MAGI2: variants seen among roughly 807,000 people sequenced by gnomAD.
MAGI2 encodes the protein membrane-associated guanylate kinase, WW and PDZ domain-containing protein 2.
MAGI2 carries 35 observed loss-of-function variants against 133.3 expected under a neutral mutation model. The observed-to-expected ratio is 0.26, with a 90% CI of 0.20 to 0.35. MAGI2 has a LOEUF of 0.35. Among genes scored for constraint, MAGI2 ranks in the 10% least tolerant of loss-of-function variants. The pLI is 1.00. For synonymous variants in MAGI2, 729 were observed against 710.6 expected, an observed-to-expected ratio of 1.03 and a Z score of -0.41; for missense variants, 1,636 against 1,863.4, an observed-to-expected ratio of 0.88 and a Z score of 2.25.
chr7:78,405,757 ATTC>A (rs1171501187), intron 6 of MAGI2, among the ~76,000 whole-genome samples: 6 of 152,080 alleles, frequency 3.9e-5, no homozygotes, highest in Non-Finnish European at 7.4e-5. Context: ...CATTTAAAAA[ATTC>A]TTAATTGTGA....
At chr7:78,360,752 C>G (rs955466538) in intron 7 of MAGI2, among the ~76,000 whole-genome samples, 2 of 152,192 alleles carry the variant, frequency 1.3e-5, no homozygotes, top group Non-Finnish European at 2.9e-5. Context: ...AGCTCACATC[C>G]AGCTCCAAAA....
At chr7:78,209,809 G>A (rs1377089594) in intron 10 of MAGI2, among the ~76,000 whole-genome samples, 3 of 152,100 alleles carry the variant, frequency 2.0e-5, no homozygotes, top group Non-Finnish European at 4.4e-5. Context: ...AACCTACAAG[G>A]CTCTGAAGAA....
chr7:78,977,459 CAAAG>C lies in MAGI2; in HGVS notation c.418+29627_418+29630del, dbSNP rs71095371. On this transcript the variant is annotated intron_variant, in intron 2 of 21. Transcript: ENST00000354212. ...ACATAAGCAAAGACCTTACAATTTA[CAAAG>C]AAAGAAAGAAAGAAAGAAAGAAAGA... 8.0e-3 allele frequency among the ~76,000 whole-genome samples: 1,113 copies of C among 138,510 alleles called. 7 individuals carry two copies. The highest frequency in any genetic ancestry group is 0.015 in the Middle Eastern group (4 of 274). The allele number at this position is 138,510 out of a possible 152,430, so 90.9% of individuals were successfully genotyped here.
intron 1 of MAGI2, among the ~76,000 whole-genome samples, chr7:79,084,530 G>A (rs1349438038): frequency 6.6e-5 from 10 of 151,630 alleles, no homozygotes; most frequent in Admixed American, 6.6e-4. Context: ...AATGACTTCA[G>A]TTTTTCAATG....
At chr7:78,304,022 AGTT>A (rs1185293157) in intron 9 of MAGI2, among the ~76,000 whole-genome samples, 1 of 152,294 alleles carries the variant, frequency 6.6e-6, no homozygotes, top group African/African-American at 2.4e-5. Context: ...GTCATTATAC[AGTT>A]GTTCTGCCTT....
At chr7:78,565,429 C>A (rs1800845106) in intron 3 of MAGI2, among the ~76,000 whole-genome samples, 1 of 151,040 alleles carries the variant, frequency 6.6e-6, no homozygotes, top group African/African-American at 2.4e-5. Context: ...TACACTATTG[C>A]ACTCATGGTC....
chr7:78,209,229 A>C (rs1787487990), intron 10 of MAGI2, among the ~76,000 whole-genome samples: 1 of 117,902 alleles, frequency 8.5e-6, no homozygotes, highest in African/African-American at 3.0e-5. Flanking sequence ...CTCAAAAAAA[A>C]AAAAAAAAAA....
At chr7:78,902,262 A>C (rs1433288265) in intron 2 of MAGI2, among the ~76,000 whole-genome samples, 1 of 152,202 alleles carries the variant, frequency 6.6e-6, no homozygotes, top group Non-Finnish European at 1.5e-5. Flanking sequence ...GGGCCTAATC[A>C]TACAACTTTA....
chr7:79,157,941 A>AGTGAGTGTGTGTGTGT (rs1302532517), intron 1 of MAGI2, among the ~76,000 whole-genome samples: 1 of 134,892 alleles, frequency 7.4e-6, no homozygotes, highest in African/African-American at 3.2e-5. Flanking sequence ...TCTTTGTGTG[A>AGTGAGTGTGTGTGTGT]GTGTGTGTGT....
intron 2 of MAGI2, chr7:78,940,470 T>C (rs936020393): frequency 2.0e-5 from 3 of 152,184 alleles, no homozygotes; most frequent in Admixed American, 2.0e-4. Flanking sequence ...GCACATTTAC[T>C]GTCATATTGG....
chr7:78,572,188 C>T (rs1026799353), intron 3 of MAGI2, among the ~76,000 whole-genome samples: 4 of 152,130 alleles, frequency 2.6e-5, no homozygotes, highest in African/African-American at 9.7e-5. Context: ...CAAAGACTTT[C>T]AGTGGCGTTC....
intron 3 of MAGI2, among the ~76,000 whole-genome samples, chr7:78,563,075 G>A (rs949967241): frequency 2.0e-5 from 3 of 151,164 alleles, no homozygotes; most frequent in Admixed American, 1.3e-4. Flanking sequence ...TGGTAGTAAT[G>A]GTAATAAGAG....
chr7:78,874,744 A>G (rs986855611), intron 2 of MAGI2, among the ~76,000 whole-genome samples: 1 of 152,210 alleles, frequency 6.6e-6, no homozygotes, highest in Non-Finnish European at 1.5e-5. Flanking sequence ...TACAGTTAAC[A>G]ATAATACATT....
chr7:78,894,220 T>C (rs1797018077), intron 2 of MAGI2, among the ~76,000 whole-genome samples: 1 of 152,108 alleles, frequency 6.6e-6, no homozygotes, highest in African/African-American at 2.4e-5. Flanking sequence ...GCTAACATAG[T>C]GAAACCCTGT....
At chr7:78,708,680 A>G (rs1426949924) in intron 2 of MAGI2, among the ~76,000 whole-genome samples, 1 of 152,140 alleles carries the variant, frequency 6.6e-6, no homozygotes, top group Non-Finnish European at 1.5e-5. Context: ...TGCATCTTTA[A>G]TAACACTAAC....
chr7:79,219,177 A>G lies in MAGI2; in HGVS notation c.302-211971T>C, dbSNP rs199719268. On this transcript the variant is annotated intron_variant, in intron 1 of 21. Transcript: ENST00000354212. ...ACTATAAGCTTTAATATTTATCATT[A>G]TTATTGCTGCCAAAAGCAATGGTTC... is the stretch of plus-strand genomic sequence containing the variant. Among the ~76,000 whole-genome samples the G allele has an allele frequency of 1.8e-4, 27 of 152,174 alleles. No homozygotes were observed. In the East Asian group the frequency reaches 4.0e-3, roughly 23 times the overall value.
intron 1 of MAGI2, among the ~76,000 whole-genome samples, chr7:79,259,376 C>A (rs1051546842): frequency 3.7e-4 from 56 of 152,262 alleles, no homozygotes; most frequent in African/African-American, 1.3e-3. Context: ...ACAGAACTCT[C>A]TCTGTTTGTT....
chr7:78,883,848 A>G (rs530947182), intron 2 of MAGI2, among the ~76,000 whole-genome samples: 1 of 152,200 alleles, frequency 6.6e-6, no homozygotes, highest in South Asian at 2.1e-4. Context: ...ATATAGAAAA[A>G]TTAATTGAAG....
intron 1 of MAGI2, among the ~76,000 whole-genome samples, chr7:79,400,619 T>C (rs112926540): frequency 7.2e-5 from 11 of 152,318 alleles, no homozygotes; most frequent in African/African-American, 2.2e-4. Context: ...AAATAGTATA[T>C]TCCCTTGTCA....
Sources: allele counts gnomAD v4.1 joint callset (sites outside exome capture counted in the v4.1 genomes callset), GRCh38; gene constraint gnomAD v4.1.1; transcripts MANE v1.5; gene names NCBI Gene and HGNC (gene_info 2026-07-23, HGNC 2026-07-21).